PPM1H: variants seen among roughly 807,000 people sequenced by gnomAD.
PPM1H encodes the protein protein phosphatase, Mg2+/Mn2+ dependent 1H.
Under a neutral mutation model 54.9 loss-of-function variants are expected in PPM1H, and 27 were observed. That is an observed-to-expected ratio of 0.49 (90% confidence interval 0.36 to 0.68). The LOEUF (loss-of-function observed/expected upper bound fraction) is 0.68, where lower values mean the gene tolerates loss of function less well. Among genes scored for constraint, PPM1H ranks in the 30% least tolerant of loss-of-function variants. The probability of loss-of-function intolerance (pLI) is 0.00; values close to 1 mark genes in which losing one functional copy is unlikely to be tolerated. For synonymous variants in PPM1H, 305 were observed against 270.8 expected, an observed-to-expected ratio of 1.13 and a Z score of -1.24; for missense variants, 596 against 667.8, an observed-to-expected ratio of 0.89 and a Z score of 1.19.
rs144762770 is a variant in PPM1H, at chr12:62,799,117, T to C, written c.756+2699A>G. Among the ~76,000 whole-genome samples the C allele has an allele frequency of 2.4e-3, 365 of 152,370 alleles. 3 individuals carry two copies. The highest frequency in any genetic ancestry group is 7.8e-3 in the African/African-American group (325 of 41,590). On this transcript the variant is annotated intron_variant, in intron 3 of 9. Transcript: ENST00000228705. ...AAATGAAGCAAACAATTGTTGTTTT[T>C]GCTGGTGACTAAGTTTCCAAGAAAA...
intron 4 of PPM1H, among the ~76,000 whole-genome samples, chr12:62,767,693 A>T (rs2076552574): frequency 6.6e-6 from 1 of 152,188 alleles, no homozygotes; most frequent in Admixed American, 6.5e-5. Flanking sequence ...CAAATTTGGC[A>T]GCTTAACACA....
chr12:62,772,972 AC>A (rs751116135), intron 4 of PPM1H, among the ~76,000 whole-genome samples: 13 of 151,772 alleles, frequency 8.6e-5, no homozygotes, highest in Non-Finnish European at 1.8e-4. Flanking sequence ...ACATGGTGAA[AC>A]CCTGTCTCTA....
chr12:62,756,887 C>T (rs1040477357), intron 4 of PPM1H, among the ~76,000 whole-genome samples: 1 of 151,998 alleles, frequency 6.6e-6, no homozygotes, highest in African/African-American at 2.4e-5. Context: ...ACTTGAGAGG[C>T]ACCTGTGATG....
intron 1 of PPM1H, among the ~76,000 whole-genome samples, chr12:62,909,319 A>G (rs1211087812): frequency 1.3e-5 from 2 of 152,212 alleles, no homozygotes; most frequent in African/African-American, 4.8e-5. Context: ...GGCCAAAGCC[A>G]TCGTTCTAAA....
At chr12:62,832,091 C>A (rs1359233000) in intron 2 of PPM1H, 23 bp downstream of exon 2, 1 of 1,611,088 alleles carries the variant, frequency 6.2e-7, no homozygotes, top group Non-Finnish European at 8.5e-7. Flanking sequence ...CACCTGAGAA[C>A]CAAGGATCGA....
chr12:62,831,995 TG>T (rs1443869153), intron 2 of PPM1H, 118 bp downstream of exon 2: 2 of 1,248,494 alleles, frequency 1.6e-6, no homozygotes, highest in East Asian at 5.1e-5. Context: ...CCACTAACTC[TG>T]GGGACACTGC....
chr12:62,717,293 C>T (rs555800627), intron 6 of PPM1H, among the ~76,000 whole-genome samples: 7 of 152,282 alleles, frequency 4.6e-5, no homozygotes, highest in African/African-American at 1.7e-4. Flanking sequence ...AGCCAACAGC[C>T]GTTTGGGGAA....
chr12:62,903,442 AT>A (rs543272388), intron 1 of PPM1H, among the ~76,000 whole-genome samples: 173 of 152,308 alleles, frequency 1.1e-3, no homozygotes, highest in African/African-American at 3.9e-3. Flanking sequence ...CATCCTCCAT[AT>A]TTTAATGCTT....
intron 4 of PPM1H, among the ~76,000 whole-genome samples, chr12:62,780,320 G>T (rs906851135): frequency 2.0e-5 from 3 of 151,588 alleles, no homozygotes; most frequent in Non-Finnish European, 4.4e-5. Context: ...CTTTTTTTTG[G>T]TGACAGGGTC....
chr12:62,740,178 T>C (rs1379628068), intron 4 of PPM1H, among the ~76,000 whole-genome samples: 1 of 152,248 alleles, frequency 6.6e-6, no homozygotes, highest in Admixed American at 6.5e-5. Flanking sequence ...GATAATAATC[T>C]ACATTCAGGG....
intron 1 of PPM1H, among the ~76,000 whole-genome samples, chr12:62,910,487 CT>C (rs200949405): frequency 6.6e-6 from 1 of 150,768 alleles, no homozygotes; most frequent in Non-Finnish European, 1.5e-5. Flanking sequence ...TTCTCTATTT[CT>C]TTTTTTTTAA....
chr12:62,766,225 A>G (rs1241639648), intron 4 of PPM1H, among the ~76,000 whole-genome samples: 2 of 152,204 alleles, frequency 1.3e-5, no homozygotes, highest in African/African-American at 4.8e-5. Flanking sequence ...CTAAGAAAAC[A>G]GGAGAGAGGG....
intron 1 of PPM1H, among the ~76,000 whole-genome samples, chr12:62,870,173 G>T (rs1869927904): frequency 6.6e-6 from 1 of 152,176 alleles, no homozygotes; most frequent in Non-Finnish European, 1.5e-5. Context: ...TATTGTGGGA[G>T]AAACGGAGAG....
At chr12:62,915,099 G>C (rs568676816) in intron 1 of PPM1H, among the ~76,000 whole-genome samples, 1 of 152,182 alleles carries the variant, frequency 6.6e-6, no homozygotes, top group Non-Finnish European at 1.5e-5. Context: ...ATACAAGGGC[G>C]TTCACAATCT....
chr12:62,793,305 CT>C (rs2076710785), intron 3 of PPM1H, among the ~76,000 whole-genome samples: 1 of 152,140 alleles, frequency 6.6e-6, no homozygotes, highest in East Asian at 1.9e-4. Flanking sequence ...ACTGAGTTAT[CT>C]TCTGTTGTGT....
intron 4 of PPM1H, chr12:62,755,497 G>A (rs1036286177): frequency 3.0e-5 from 20 of 673,144 alleles, no homozygotes; most frequent in Non-Finnish European, 4.9e-5. Context: ...CAATGCTGGT[G>A]CTGAGTATAT....
chr12:62,746,554 G>A (rs1007086193), intron 4 of PPM1H, among the ~76,000 whole-genome samples: 1 of 152,136 alleles, frequency 6.6e-6, no homozygotes, highest in Non-Finnish European at 1.5e-5. Context: ...GGATGGGAAA[G>A]CCACCTCCCC....
chr12:62,825,544 T>C (rs1868280647), intron 2 of PPM1H, among the ~76,000 whole-genome samples: 1 of 152,200 alleles, frequency 6.6e-6, no homozygotes, highest in Non-Finnish European at 1.5e-5. Context: ...CACAGAATAC[T>C]ATGCAGCTAT....
intron 9 of PPM1H, among the ~76,000 whole-genome samples, chr12:62,650,265 G>T (rs1174728229): frequency 6.6e-6 from 1 of 152,190 alleles, no homozygotes; most frequent in Non-Finnish European, 1.5e-5. Flanking sequence ...ATACACTACA[G>T]CAGAAAGGAT....
Sources: gnomAD v4.1 joint callset for allele counts (sites outside exome capture counted in the v4.1 genomes callset) on GRCh38, gnomAD v4.1.1 for gene constraint, MANE v1.5 for transcripts, NCBI Gene and HGNC (gene_info 2026-07-23, HGNC 2026-07-21) for gene names.